MEIS1: variants seen among roughly 807,000 people sequenced by gnomAD.
The protein encoded by MEIS1 is Meis homeobox 1, also known as homeobox protein Meis1.
In MEIS1, 5 loss-of-function variants were observed where a neutral mutation model predicts 50.8. The observed-to-expected ratio is 0.10, with a 90% CI of 0.05 to 0.21. MEIS1 has a LOEUF of 0.21. Among genes scored for constraint, MEIS1 ranks in the 10% least tolerant of loss-of-function variants. The pLI, the probability that MEIS1 is intolerant of heterozygous loss-of-function variation, is 1.00. For missense variants in MEIS1, 318 were observed against 517.3 expected, an observed-to-expected ratio of 0.61 and a Z score of 3.74; for synonymous variants, 176 against 179.3, an observed-to-expected ratio of 0.98 and a Z score of 0.15.
intron 6 of MEIS1, among the ~76,000 whole-genome samples, chr2:66,450,520 A>G (rs1301315149): frequency 6.6e-6 from 1 of 152,196 alleles, no homozygotes; most frequent in Non-Finnish European, 1.5e-5. Flanking sequence ...AAGTTTACGA[A>G]GTGAAATTTT....
chr2:66,473,397 A>AAAAAAAAAAAAAT, intron 7 of MEIS1, among the ~76,000 whole-genome samples: 8 of 107,614 alleles, frequency 7.4e-5, no homozygotes, highest in African/African-American at 4.7e-4. Context: ...AAAAAAAAAA[A>AAAAAAAAAAAAAT]ATATATATAT....
At chr2:66,571,008 C>A (rs972383360) in intron 12 of MEIS1, 2 of 470,136 alleles carry the variant, frequency 4.3e-6, no homozygotes, top group Non-Finnish European at 7.4e-6. Flanking sequence ...ATAAATAAGA[C>A]CTCAGTAGGC....
intron 6 of MEIS1, chr2:66,461,781 A>G (rs899517198): frequency 1.4e-5 from 6 of 442,368 alleles, no homozygotes; most frequent in Non-Finnish European, 2.8e-5. Flanking sequence ...TGAAAATGCA[A>G]TGAATCGGAA....
At chr2:66,499,527 C>A (rs1673496686) in intron 7 of MEIS1, among the ~76,000 whole-genome samples, 1 of 151,956 alleles carries the variant, frequency 6.6e-6, no homozygotes, top group Non-Finnish European at 1.5e-5. Context: ...AATAGAAAGG[C>A]ATCAGTGAGG....
At chr2:66,483,209 T>C (rs1472294335) in intron 7 of MEIS1, among the ~76,000 whole-genome samples, 2 of 151,416 alleles carry the variant, frequency 1.3e-5, no homozygotes, top group African/African-American at 2.4e-5. Context: ...TAAGGGGAGT[T>C]ATGCTTATTT....
intron 6 of MEIS1, among the ~76,000 whole-genome samples, chr2:66,461,255 A>T (rs1672511996): frequency 6.6e-6 from 1 of 152,144 alleles, no homozygotes; most frequent in African/African-American, 2.4e-5. Flanking sequence ...GCATATAGTC[A>T]CAGAGATAGG....
At chr2:66,522,076 C>T (rs900672106) in intron 8 of MEIS1, among the ~76,000 whole-genome samples, 4 of 152,154 alleles carry the variant, frequency 2.6e-5, no homozygotes, top group African/African-American at 4.8e-5. Context: ...TAAAGGAAAA[C>T]GCCTAATACT....
At chr2:66,494,023 T>C (rs759278501) in intron 7 of MEIS1, among the ~76,000 whole-genome samples, 4 of 152,210 alleles carry the variant, frequency 2.6e-5, no homozygotes, top group Non-Finnish European at 5.9e-5. Context: ...AAAAGTCTTA[T>C]CTTCAGCATA....
chr2:66,444,640 G>GC (rs1324935005), intron 6 of MEIS1, among the ~76,000 whole-genome samples: 1 of 152,226 alleles, frequency 6.6e-6, no homozygotes. Flanking sequence ...AAAACTGCAG[G>GC]CGGCTCCCAG....
intron 6 of MEIS1, chr2:66,443,704 C>T (rs1672056776): frequency 6.6e-6 from 1 of 152,228 alleles, no homozygotes; most frequent in Non-Finnish European, 1.5e-5. Context: ...GGACTTTTCT[C>T]CTCCTTCTTT....
In MEIS1 at chr2:66,562,017, A is replaced by G. The variant is rs546922356; in HGVS notation, c.966-5436A>G. On this transcript the variant is annotated intron_variant, in intron 9 of 12. Coordinates refer to ENST00000272369, the MANE Select transcript of MEIS1 (RefSeq NM_002398.3). ...CTAATTGAGTAAAGGTGAAAATGCT[A>G]TTTCTGAAAGTGAGCAAGTAATTTT... The G allele has an allele frequency of 4.3e-5, 4 of 92,478 alleles. No individual in the cohort carries two copies. In the Admixed American group the frequency reaches 4.8e-4, roughly 11 times the overall value. The allele number at this position is 92,478 out of a possible 1,614,324, so 5.7% of individuals were successfully genotyped here. A position where few individuals can be genotyped will look rare whatever the true frequency, so the allele number is the denominator to read the frequency against.
chr2:66,513,781 G>A (rs1673889365), intron 8 of MEIS1, among the ~76,000 whole-genome samples: 1 of 152,070 alleles, frequency 6.6e-6, no homozygotes, highest in African/African-American at 2.4e-5. Flanking sequence ...TCTGATTCAG[G>A]CACCACTACT....
chr2:66,551,347 A>G (rs985837132), intron 9 of MEIS1, among the ~76,000 whole-genome samples: 1 of 152,192 alleles, frequency 6.6e-6, no homozygotes, highest in African/African-American at 2.4e-5. Flanking sequence ...GAGAAAGGCA[A>G]AAGAGGAGAG....
intron 8 of MEIS1, among the ~76,000 whole-genome samples, chr2:66,542,744 A>G (rs1261473224): frequency 6.6e-6 from 1 of 152,266 alleles, no homozygotes; most frequent in South Asian, 2.1e-4. Context: ...TGCCATTACA[A>G]TGTGCTATTA....
At chr2:66,542,305 A>G (rs150224785) in intron 8 of MEIS1, among the ~76,000 whole-genome samples, 1 of 151,896 alleles carries the variant, frequency 6.6e-6, no homozygotes, top group Admixed American at 6.6e-5. Context: ...CTTTAAAGGG[A>G]GTATCTCCCC....
At chr2:66,469,256 G>A (rs1229419786) in intron 7 of MEIS1, among the ~76,000 whole-genome samples, 1 of 151,428 alleles carries the variant, frequency 6.6e-6, no homozygotes, top group Non-Finnish European at 1.5e-5. Flanking sequence ...GCTAAGCACT[G>A]CATTTCTCTA....
At chr2:66,449,026 AT>A in intron 6 of MEIS1, among the ~76,000 whole-genome samples, 2 of 152,254 alleles carry the variant, frequency 1.3e-5, no homozygotes, top group Admixed American at 1.3e-4. Flanking sequence ...TCGAAACAAA[AT>A]TTTTTGCCAT....
chr2:66,470,929 G>C (rs1202233566), intron 7 of MEIS1, among the ~76,000 whole-genome samples: 4 of 152,166 alleles, frequency 2.6e-5, no homozygotes, highest in African/African-American at 9.7e-5. Flanking sequence ...CCAAGTAACT[G>C]CTTTACTTAT....
intron 7 of MEIS1, among the ~76,000 whole-genome samples, chr2:66,485,175 T>C (rs1457113134): frequency 6.6e-6 from 1 of 152,176 alleles, no homozygotes; most frequent in Non-Finnish European, 1.5e-5. Context: ...GGTATACATG[T>C]CCCATGGTGG....
Sources: allele counts gnomAD v4.1 joint callset (sites outside exome capture counted in the v4.1 genomes callset), GRCh38; gene constraint gnomAD v4.1.1; transcripts MANE v1.5; gene names NCBI Gene and HGNC (gene_info 2026-07-23, HGNC 2026-07-21).